ZNF451: variants seen among roughly 807,000 people sequenced by gnomAD.
ZNF451 encodes the protein E3 SUMO-protein ligase ZNF451.
A neutral mutation model predicts 107.1 loss-of-function variants in ZNF451; 80 were observed. The ratio of observed to expected loss-of-function variants is 0.75; its 90% CI spans 0.62 to 0.90. ZNF451 has a LOEUF of 0.90. ZNF451 is among the 40% of genes least tolerant of loss of function. ZNF451 has a pLI of 0.00. For missense variants in ZNF451, 1,107 were observed against 1,236.2 expected (o/e 0.90, Z 1.57); for synonymous variants, 362 against 406.5 (o/e 0.89, Z 1.32).
chr6:57,134,903 TTTC>T, intron 7 of ZNF451, 33 bp downstream of exon 7: 1 of 1,571,890 alleles, frequency 6.4e-7, no homozygotes, highest in Non-Finnish European at 8.7e-7. Context: ...AAGTATTATT[TTTC>T]TAGATAGCCA....
At chr6:57,151,013 G>A (rs1223413753) in intron 11 of ZNF451, 151 bp downstream of exon 11, 10 of 943,342 alleles carry the variant, frequency 1.1e-5, no homozygotes, top group African/African-American at 6.7e-5. Flanking sequence ...TGCTAGAATC[G>A]TTTTCTTTAC....
intron 3 of ZNF451, among the ~76,000 whole-genome samples, chr6:57,112,122 C>G (rs1459528066): frequency 2.6e-5 from 4 of 152,142 alleles, no homozygotes; most frequent in Non-Finnish European, 5.9e-5. Flanking sequence ...AAAACCATTG[C>G]TTTTCAAAGT....
chr6:57,128,692 T>A, intron 4 of ZNF451, 37 bp from the exon 5 acceptor site: 1 of 1,397,748 alleles, frequency 7.2e-7, no homozygotes, highest in Non-Finnish European at 1.0e-6. Flanking sequence ...GAAAACAGGG[T>A]AGTAATCTTA....
intron 3 of ZNF451, among the ~76,000 whole-genome samples, chr6:57,121,236 C>G (rs932111927): frequency 6.6e-6 from 1 of 152,112 alleles, no homozygotes; most frequent in Non-Finnish European, 1.5e-5. Context: ...TTTCATTGAT[C>G]TGTTTGTCCC....
chr6:57,121,152 C>T (rs2127956832), intron 3 of ZNF451, among the ~76,000 whole-genome samples: 1 of 152,146 alleles, frequency 6.6e-6, no homozygotes, highest in African/African-American at 2.4e-5. Context: ...GTCTTTTCTC[C>T]ATTGTATTGT....
At chr6:57,127,300 T>C (rs1397614123) in intron 4 of ZNF451, among the ~76,000 whole-genome samples, 1 of 152,202 alleles carries the variant, frequency 6.6e-6, no homozygotes, top group Non-Finnish European at 1.5e-5. Context: ...CGTTTTAAAT[T>C]TTGTGTTAAA....
chr6:57,138,735 ATATATATGTG>A (rs1316063455), intron 7 of ZNF451, among the ~76,000 whole-genome samples: 201 of 104,940 alleles, frequency 1.9e-3, no homozygotes, highest in African/African-American at 4.2e-3. Context: ...ATATATATAT[ATATATATGTG>A]TGTGTGTGTG....
intron 9 of ZNF451, among the ~76,000 whole-genome samples, chr6:57,145,235 C>G (rs917770322): frequency 6.6e-6 from 1 of 152,034 alleles, no homozygotes; most frequent in Non-Finnish European, 1.5e-5. Context: ...TTTATTGAGC[C>G]TAGTTCTTCA....
intron 5 of ZNF451, 78 bp downstream of exon 5, chr6:57,128,918 T>G: frequency 1.0e-6 from 1 of 999,070 alleles, no homozygotes; most frequent in South Asian, 1.5e-5. Context: ...TTTTATGCTA[T>G]TGCTAATAAG....
chr6:57,133,518 A>G (rs80297022), intron 6 of ZNF451, among the ~76,000 whole-genome samples: 30 of 152,354 alleles, frequency 2.0e-4, no homozygotes, highest in African/African-American at 7.2e-4. Flanking sequence ...GTAAATTTCA[A>G]GAGACAAGGA....
At chr6:57,160,522 A>T (rs1763626422) in intron 13 of ZNF451, among the ~76,000 whole-genome samples, 1 of 152,002 alleles carries the variant, frequency 6.6e-6, no homozygotes, top group South Asian at 2.1e-4. Flanking sequence ...TTTGGTAGAG[A>T]CAGGGTTTTG....
intron 3 of ZNF451, chr6:57,099,595 A>G (rs1045618910): frequency 2.9e-6 from 2 of 701,230 alleles, no homozygotes; most frequent in Admixed American, 4.2e-5. Context: ...TTTATAGGGG[A>G]TATATTACTT....
intron 10 of ZNF451, 117 bp downstream of exon 10, chr6:57,148,810 A>T (rs1406372683): frequency 5.3e-6 from 5 of 937,046 alleles, no homozygotes; most frequent in South Asian, 1.9e-5. Flanking sequence ...TATGTTAATT[A>T]TTATGGTATA....
intron 7 of ZNF451, 79 bp from the exon 8 acceptor site, chr6:57,141,223 A>T: frequency 8.1e-7 from 1 of 1,227,846 alleles, no homozygotes; most frequent in Non-Finnish European, 1.1e-6. Context: ...AACAACAAAT[A>T]GGAAATTTTG....
intron 3 of ZNF451, chr6:57,103,569 C>T: frequency 1.0e-6 from 1 of 985,360 alleles, no homozygotes; most frequent in African/African-American, 1.7e-5. Flanking sequence ...CACAGCATGA[C>T]ATCAGGAATG....
chr6:57,158,847 A>T, intron 13 of ZNF451: 1 of 985,354 alleles, frequency 1.0e-6, no homozygotes, highest in Non-Finnish European at 1.2e-6. Context: ...TTCATTGTGG[A>T]TGAGTGGGTT....
Position 57,168,707 on chromosome 6 carries a change from G to T in ZNF451, c.*238G>T. 1 of 406,778 alleles carries T rather than the reference G, an allele frequency of 2.5e-6. No individual in the cohort carries two copies. Among genetic ancestry groups the T allele is most frequent in the Non-Finnish European group, 4.3e-6 (1 of 231,334 alleles). The allele number at this position is 406,778 out of a possible 1,614,324, so 25.2% of individuals were successfully genotyped here. On this transcript the variant is annotated 3_prime_UTR_variant, in exon 15 of 15. Coordinates refer to ENST00000370706, the MANE Select transcript of ZNF451 (RefSeq NM_001031623.3). ...AATATAAATTATGTATTCTAATATA[G>T]GTGTAACAGTTTCCCAGTTAACTTT...
intron 3 of ZNF451, chr6:57,101,439 C>T (rs541278787): frequency 1.9e-6 from 3 of 1,550,838 alleles, no homozygotes; most frequent in Non-Finnish European, 2.6e-6. Context: ...TCCAACCAAA[C>T]CCACCAGCTG....
intron 3 of ZNF451, chr6:57,124,361 T>C (rs555663267): frequency 1.4e-6 from 1 of 704,576 alleles, no homozygotes; most frequent in African/African-American, 1.7e-5. Context: ...TGGAGGTTCC[T>C]GCTAGAAGGT....
Sources: gnomAD v4.1 joint callset for allele counts (sites outside exome capture counted in the v4.1 genomes callset) on GRCh38, gnomAD v4.1.1 for gene constraint, MANE v1.5 for transcripts, NCBI Gene and HGNC (gene_info 2026-07-23, HGNC 2026-07-21) for gene names.